Variants in MTDH observed in about 807,000 individuals in gnomAD.
MTDH encodes the protein protein LYRIC.
Under a neutral mutation model 72.7 loss-of-function variants are expected in MTDH, and 34 were observed. The observed-to-expected ratio is 0.47, with a 90% CI of 0.36 to 0.62. The LOEUF (loss-of-function observed/expected upper bound fraction) is 0.62, where lower values mean the gene tolerates loss of function less well. Ranked by LOEUF, MTDH falls within the 20% of genes least tolerant of loss-of-function variation. MTDH has a pLI of 0.00. For missense variants in MTDH, 677 were observed against 699.4 expected (o/e 0.97, Z 0.36); for synonymous variants, 266 against 268.9 (o/e 0.99, Z 0.10).
chr8:97,726,185 A>T lies in MTDH; in HGVS notation c.*1515A>T, dbSNP rs1039888693. 1 of 152,796 alleles carries T rather than the reference A, an allele frequency of 6.5e-6. No homozygotes were observed. Among genetic ancestry groups the T allele is most frequent in the South Asian group, 2.1e-4 (1 of 4,830 alleles). 9.5% of individuals were successfully genotyped at this position (152,796 alleles called of 1,614,324 possible). A position where few individuals can be genotyped will look rare whatever the true frequency, so the allele number is the denominator to read the frequency against. ...TTATTAATGGACAGCTTTCCTAACA[A>T]GAGATTATTAACTTTTATCAGGTGT... On this transcript the variant is annotated 3_prime_UTR_variant, in exon 12 of 12. Transcript: ENST00000336273.
At chr8:97,664,890 C>G (rs1176433574) in intron 2 of MTDH, among the ~76,000 whole-genome samples, 1 of 152,016 alleles carries the variant, frequency 6.6e-6, no homozygotes, top group Non-Finnish European at 1.5e-5. Flanking sequence ...CCTCCTGAAC[C>G]ACTGGGATTA....
At chr8:97,659,559 T>C (rs1157623925) in intron 1 of MTDH, among the ~76,000 whole-genome samples, 14 of 152,232 alleles carry the variant, frequency 9.2e-5, no homozygotes, top group African/African-American at 3.4e-4. Flanking sequence ...TTTCCAACTT[T>C]GTATCCCTGA....
intron 6 of MTDH, among the ~76,000 whole-genome samples, chr8:97,694,694 G>A (rs1813753042): frequency 6.6e-6 from 1 of 152,150 alleles, no homozygotes. Flanking sequence ...GGCTGAGGCT[G>A]GCAGATCGCC....
chr8:97,646,188 C>G lies in MTDH; in HGVS notation c.381+1301C>G, dbSNP rs138994803. 1.4e-3 allele frequency among the ~76,000 whole-genome samples: 212 copies of G among 152,296 alleles called. 1 individual carries two copies. Among genetic ancestry groups the G allele is most frequent in the African/African-American group, 4.9e-3 (203 of 41,556 alleles). On this transcript the variant is annotated intron_variant, in intron 1 of 11. Transcript: ENST00000336273. ...TAACAAGAGTTTTGTTGGTAACAAACTCTAATCTCTAGATTAGAGATGTGA... is the reference window on the plus strand; with the variant it reads ...TAACAAGAGTTTTGTTGGTAACAAAGTCTAATCTCTAGATTAGAGATGTGA...
At chr8:97,669,406 C>T (rs576557641) in intron 2 of MTDH, among the ~76,000 whole-genome samples, 1 of 152,156 alleles carries the variant, frequency 6.6e-6, no homozygotes, top group Non-Finnish European at 1.5e-5. Flanking sequence ...CCTCAGCCTT[C>T]CAAACTGCTG....
Position 97,724,866 on chromosome 8 carries a change from C to T in MTDH, c.*196C>T. 4.6e-6 allele frequency: 2 copies of T among 434,432 alleles called. No individual in the cohort carries two copies. Among genetic ancestry groups the T allele is most frequent in the Non-Finnish European group, 8.1e-6 (2 of 246,682 alleles). 26.9% of individuals were successfully genotyped at this position (434,432 alleles called of 1,614,324 possible). A position where few individuals can be genotyped will look rare whatever the true frequency, so the allele number is the denominator to read the frequency against. On this transcript the variant is annotated 3_prime_UTR_variant, in exon 12 of 12. Transcript: ENST00000336273. The stretch of plus-strand genomic sequence containing the variant: ...GAAATTAAGAGGTCAGCAGAATATA[C>T]TCAGTGATGGAAGACACTTGGGAAA...
At chr8:97,681,155 G>A (rs1056104813) in intron 2 of MTDH, among the ~76,000 whole-genome samples, 1 of 152,136 alleles carries the variant, frequency 6.6e-6, no homozygotes, top group Admixed American at 6.6e-5. Flanking sequence ...GCCATTTCAG[G>A]CATTGAACAT....
chr8:97,705,359 T>C (rs1368010119), intron 7 of MTDH, among the ~76,000 whole-genome samples: 1 of 151,296 alleles, frequency 6.6e-6, no homozygotes, highest in Non-Finnish European at 1.5e-5. Context: ...CCCAGCACTT[T>C]GGGAGGCTGA....
chr8:97,685,011 A>C (rs906234890), intron 2 of MTDH, among the ~76,000 whole-genome samples: 1 of 152,244 alleles, frequency 6.6e-6, no homozygotes, highest in African/African-American at 2.4e-5. Context: ...GGTTGCAGTG[A>C]GCTGAGATCA....
chr8:97,652,667 G>A (rs2130915511), intron 1 of MTDH, among the ~76,000 whole-genome samples: 1 of 152,164 alleles, frequency 6.6e-6, no homozygotes, highest in South Asian at 2.1e-4. Flanking sequence ...ACAGTTAATT[G>A]GATAATCTGT....
At chr8:97,690,464 G>A (rs1457416369) in intron 5 of MTDH, among the ~76,000 whole-genome samples, 1 of 152,174 alleles carries the variant, frequency 6.6e-6, no homozygotes, top group Non-Finnish European at 1.5e-5. Context: ...GTGTATTTGT[G>A]TGTGTGTACA....
chr8:97,712,186 T>C (rs916933881), intron 8 of MTDH, among the ~76,000 whole-genome samples: 2 of 152,128 alleles, frequency 1.3e-5, no homozygotes, highest in Non-Finnish European at 2.9e-5. Context: ...TACAGGCGCA[T>C]GCCACCAGGC....
intron 7 of MTDH, among the ~76,000 whole-genome samples, chr8:97,701,454 G>A (rs1169886388): frequency 1.3e-5 from 2 of 152,286 alleles, no homozygotes; most frequent in East Asian, 1.9e-4. Flanking sequence ...TACAGACACA[G>A]TTCATTCATT....
At chr8:97,656,024 A>G (rs558214041) in intron 1 of MTDH, among the ~76,000 whole-genome samples, 2 of 152,304 alleles carry the variant, frequency 1.3e-5, no homozygotes, top group South Asian at 4.1e-4. Context: ...TCCAAAGCCC[A>G]TAGTCTTCTC....
intron 4 of MTDH, 122 bp downstream of exon 4, chr8:97,687,727 C>G: frequency 1.2e-6 from 1 of 810,178 alleles, no homozygotes; most frequent in Non-Finnish European, 1.8e-6. Flanking sequence ...GCTGATATAC[C>G]CTTCTTCATG....
chr8:97,656,758 G>C (rs1389233243), intron 1 of MTDH, among the ~76,000 whole-genome samples: 1 of 151,696 alleles, frequency 6.6e-6, no homozygotes, highest in African/African-American at 2.4e-5. Context: ...CCAGCACTTT[G>C]GGAGGCTGAG....
rs552648412 is a variant in MTDH at position 97,722,384 on chromosome 8, G to A, written c.1522-495G>A. 3.3e-5 allele frequency among the ~76,000 whole-genome samples: 5 copies of A among 152,172 alleles called. No homozygotes were observed. In the South Asian group the frequency reaches 1.0e-3, roughly 32 times the overall value. On this transcript the variant is annotated intron_variant, in intron 10 of 11. Transcript: ENST00000336273. Reference sequence around the variant, plus strand: ...TGGGAGGCTGAGGCAGGCGGATCACGAAGTCAAGAGATCGAGACCATCCTG... The same window carrying A: ...TGGGAGGCTGAGGCAGGCGGATCACAAAGTCAAGAGATCGAGACCATCCTG...
At chr8:97,684,139 C>CAA (rs76185022) in intron 2 of MTDH, among the ~76,000 whole-genome samples, 22 of 63,530 alleles carry the variant, frequency 3.5e-4, no homozygotes, top group Middle Eastern at 9.6e-3. Flanking sequence ...AACTCCTTCT[C>CAA]AAAAAAAAAA....
At chr8:97,647,710 AG>A (rs1289469035) in intron 1 of MTDH, among the ~76,000 whole-genome samples, 1 of 152,204 alleles carries the variant, frequency 6.6e-6, no homozygotes, top group Non-Finnish European at 1.5e-5. Context: ...TGGAAATCTT[AG>A]TTGAGTTAAA....
Sources: gnomAD v4.1 joint callset for allele counts (sites outside exome capture counted in the v4.1 genomes callset) on GRCh38, gnomAD v4.1.1 for gene constraint, MANE v1.5 for transcripts, NCBI Gene and HGNC (gene_info 2026-07-23, HGNC 2026-07-21) for gene names.